GATA4: variants seen among roughly 807,000 people sequenced by gnomAD.
GATA4 encodes GATA binding protein 4.
A neutral mutation model predicts 37.9 loss-of-function variants in GATA4; 7 were observed. The ratio of observed to expected loss-of-function variants is 0.18; its 90% CI spans 0.11 to 0.35. The LOEUF is 0.35. GATA4 is among the 10% of genes least tolerant of loss of function. The pLI is 1.00. For missense variants in GATA4, 647 were observed against 653.0 expected (o/e 0.99, Z 0.10); for synonymous variants, 372 against 292.6 (o/e 1.27, Z -2.77).
chr8:11,682,452 A>G (rs938465087), intron 1 of GATA4, among the ~76,000 whole-genome samples: 1 of 152,272 alleles, frequency 6.6e-6, no homozygotes, highest in African/African-American at 2.4e-5. Context: ...TGTTTTAGGT[A>G]GAATTTGTTG....
chr8:11,757,043 G>T lies in GATA4; in HGVS notation c.1109G>T (p.Gly370Val), dbSNP rs146685461. 1.4e-5 allele frequency: 23 copies of T among 1,614,078 alleles called. No homozygotes were observed. In the African/African-American group the frequency reaches 1.9e-4, roughly 13 times the overall value. Reference protein sequence around the residue: ...EEMRPIKTEPGLSSHYGHSSS... With the variant: ...EEMRPIKTEPVLSSHYGHSSS... ...ATGCGTCCCATCAAGACGGAGCCTG[G>T]CCTGTCATCTCACTACGGGCACAGC... Residue 370 changes from glycine to valine, a missense_variant, in exon 6 of 7, where the codon GGC (glycine) becomes GTC (valine). Transcript: ENST00000532059.
intron 2 of GATA4, among the ~76,000 whole-genome samples, chr8:11,735,473 C>T (rs1801407592): frequency 1.3e-5 from 2 of 152,214 alleles, no homozygotes; most frequent in Admixed American, 6.5e-5. Flanking sequence ...TGGAAGATAT[C>T]TGGAAAAACA....
At chr8:11,682,635 A>G (rs775555250) in intron 1 of GATA4, among the ~76,000 whole-genome samples, 5 of 152,340 alleles carry the variant, frequency 3.3e-5, no homozygotes, top group Admixed American at 2.0e-4. Flanking sequence ...CTTTCCTTGA[A>G]GAAACAAAAT....
In GATA4 at chr8:11,755,041, T is replaced by G. The variant is rs935306106; in HGVS notation, c.913-5T>G. 4 of 1,612,706 alleles carry G rather than the reference T, an allele frequency of 2.5e-6. No homozygotes were observed. Among genetic ancestry groups the G allele is most frequent in the African/African-American group, 2.7e-5 (2 of 74,864 alleles). On this transcript the variant is annotated splice_polypyrimidine_tract_variant and splice_region_variant and intron_variant, in intron 4 of 6. Coordinates refer to ENST00000532059, the MANE Select transcript of GATA4 (RefSeq NM_001308093.3). ...AACCCTATATATTTACTTGTGACCC[T>G]CCAGGTCCCCAGGCCTCTTGCAATG... is the stretch of plus-strand genomic sequence containing the variant.
At chr8:11,715,063 C>A (rs1800377352) in intron 2 of GATA4, among the ~76,000 whole-genome samples, 1 of 152,094 alleles carries the variant, frequency 6.6e-6, no homozygotes, top group Non-Finnish European at 1.5e-5. Context: ...TTTTTATGCA[C>A]GTGGCACATA....
At chr8:11,682,042 A>G (rs1798989766) in intron 1 of GATA4, among the ~76,000 whole-genome samples, 1 of 152,236 alleles carries the variant, frequency 6.6e-6, no homozygotes, top group Non-Finnish European at 1.5e-5. Flanking sequence ...TCTGTGAATT[A>G]TTTTAATTTC....
intron 1 of GATA4, among the ~76,000 whole-genome samples, chr8:11,684,786 C>G (rs936611789): frequency 6.6e-5 from 10 of 152,104 alleles, no homozygotes; most frequent in Admixed American, 6.6e-4. Context: ...TGTTTCTTAA[C>G]CTATTACTTC....
intron 1 of GATA4, among the ~76,000 whole-genome samples, chr8:11,677,379 C>G (rs1293796762): frequency 8.5e-5 from 13 of 152,208 alleles, no homozygotes; most frequent in Admixed American, 8.5e-4. Flanking sequence ...CTCTATTTCC[C>G]GATTCAGCTT....
At chr8:11,693,735 C>A (rs970814239) in intron 1 of GATA4, among the ~76,000 whole-genome samples, 7 of 152,152 alleles carry the variant, frequency 4.6e-5, no homozygotes, top group Non-Finnish European at 8.8e-5. Flanking sequence ...GCCCTACCCC[C>A]ACTCCCAGCC....
At chr8:11,752,278 T>C (rs1034094476) in intron 4 of GATA4, among the ~76,000 whole-genome samples, 1 of 152,162 alleles carries the variant, frequency 6.6e-6, no homozygotes, top group South Asian at 2.1e-4. Context: ...AATATACACG[T>C]ATAGGTGTAT....
chr8:11,707,366 G>C lies in GATA4; in HGVS notation c.-457-490G>C, dbSNP rs1799934945. On this transcript the variant is annotated intron_variant, in intron 1 of 6. Transcript: ENST00000532059. This position sits in a 1 kb window ranked among gnomAD's most constrained non-coding sequence, Gnocchi z 4.7. ...CAAAACTTTGTTAGGTTGTTGTTTT[G>C]TGTAAAGTTTGTCCTTGTCCCCCCA... Among the ~76,000 whole-genome samples, 1 of 148,460 alleles carries C rather than the reference G, an allele frequency of 6.7e-6. No individual in the cohort carries two copies. Among genetic ancestry groups the C allele is most frequent in the Non-Finnish European group, 1.5e-5 (1 of 67,024 alleles).
At chr8:11,733,426 T>G (rs1801302353) in intron 2 of GATA4, among the ~76,000 whole-genome samples, 1 of 152,238 alleles carries the variant, frequency 6.6e-6, no homozygotes, top group Non-Finnish European at 1.5e-5. Flanking sequence ...GCACGGAAGC[T>G]AAAGCAGTGA....
At chr8:11,757,618 G>C (rs1802665637) in intron 6 of GATA4, among the ~76,000 whole-genome samples, 1 of 152,216 alleles carries the variant, frequency 6.6e-6, no homozygotes, top group Non-Finnish European at 1.5e-5. Flanking sequence ...ATCCTGCAGA[G>C]GGCAGGCAGG....
At chr8:11,700,960 G>T (rs1014398540), upstream of GATA4, among the ~76,000 whole-genome samples, 1 of 152,150 alleles carries the variant, frequency 6.6e-6, no homozygotes, top group African/African-American at 2.4e-5. Flanking sequence ...GAAACTCGGC[G>T]CTGGAAAACC....
chr8:11,683,033 G>C, intron 1 of GATA4: 1 of 984,094 alleles, frequency 1.0e-6, no homozygotes. Flanking sequence ...CTCGGTGCGC[G>C]GGGGTTTCTC....
chr8:11,692,767 G>C, intron 1 of GATA4: 1 of 982,678 alleles, frequency 1.0e-6, no homozygotes, highest in Non-Finnish European at 1.2e-6. Context: ...GACGGGGGGC[G>C]GGAAGCGAGG....
chr8:11,705,743 T>G lies in GATA4; in HGVS notation c.-458+1439T>G, dbSNP rs141089907. Reference sequence around the variant, plus strand: ...TTTTCTCCACCTTCTGTTGTTCTAGTAATCCAACTCAGGCACTATATCAGC... The same window carrying G: ...TTTTCTCCACCTTCTGTTGTTCTAGGAATCCAACTCAGGCACTATATCAGC... On this transcript the variant is annotated intron_variant, in intron 1 of 6. Coordinates refer to ENST00000532059, the MANE Select transcript of GATA4 (RefSeq NM_001308093.3). 7.9e-5 allele frequency among the ~76,000 whole-genome samples: 12 copies of G among 152,340 alleles called. No homozygotes were observed. The East Asian group carries it at 2.3e-3, about 29-fold the overall frequency.
intron 2 of GATA4, among the ~76,000 whole-genome samples, chr8:11,723,571 A>G (rs1800774278): frequency 6.6e-6 from 1 of 152,180 alleles, no homozygotes. Context: ...CATTTGCCCC[A>G]AGAAACCTGG....
At chr8:11,725,741 C>T (rs1800890507) in intron 2 of GATA4, among the ~76,000 whole-genome samples, 1 of 152,196 alleles carries the variant, frequency 6.6e-6, no homozygotes, top group South Asian at 2.1e-4. Context: ...AGTGCTGACC[C>T]TAAGCCATTA....
Sources: allele counts gnomAD v4.1 joint callset (sites outside exome capture counted in the v4.1 genomes callset), GRCh38; gene constraint gnomAD v4.1.1; non-coding constraint Gnocchi (gnomAD v3.1); transcripts MANE v1.5; gene names NCBI Gene and HGNC (gene_info 2026-07-23, HGNC 2026-07-21).